The following ZMAT4 variants were observed in gnomAD, a reference collection of about 807,000 sequenced individuals.
The protein encoded by ZMAT4 is zinc finger matrin-type 4.
ZMAT4 carries 17 observed loss-of-function variants against 28.7 expected under a neutral mutation model. That is an observed-to-expected ratio of 0.59 (90% CI 0.41 to 0.89). The LOEUF (loss-of-function observed/expected upper bound fraction) is 0.89. Ranked by LOEUF, ZMAT4 falls within the 40% of genes least tolerant of loss-of-function variation. The probability of loss-of-function intolerance (pLI) is 0.00; values close to 1 mark genes in which losing one functional copy is unlikely to be tolerated. For synonymous variants in ZMAT4, 117 were observed against 109.2 expected (o/e 1.07, Z -0.44); for missense variants, 240 against 283.8 (o/e 0.85, Z 1.11).
chr8:40,656,023 A>C (rs1407801228), intron 5 of ZMAT4, among the ~76,000 whole-genome samples: 1 of 152,162 alleles, frequency 6.6e-6, no homozygotes, highest in Non-Finnish European at 1.5e-5. Context: ...TTGTCCACAG[A>C]ATGAGAGACA....
chr8:40,572,225 C>T (rs1411302509), intron 6 of ZMAT4, among the ~76,000 whole-genome samples: 2 of 152,008 alleles, frequency 1.3e-5, no homozygotes, highest in Non-Finnish European at 2.9e-5. Flanking sequence ...AAAGATACTC[C>T]ATCCCTGAAA....
intron 5 of ZMAT4, among the ~76,000 whole-genome samples, chr8:40,593,448 G>A (rs1585729262): frequency 6.6e-6 from 1 of 152,190 alleles, no homozygotes. Flanking sequence ...TCTCTTCCAG[G>A]CTATTTCTCA....
intron 6 of ZMAT4, among the ~76,000 whole-genome samples, chr8:40,568,011 A>G (rs1803977019): frequency 1.3e-5 from 2 of 152,208 alleles, no homozygotes; most frequent in Admixed American, 1.3e-4. Flanking sequence ...GAAGAAAAAT[A>G]ACCTTCCTAA....
intron 3 of ZMAT4, among the ~76,000 whole-genome samples, chr8:40,754,513 A>C (rs1204202885): frequency 6.6e-6 from 1 of 152,232 alleles, no homozygotes; most frequent in Admixed American, 6.5e-5. Flanking sequence ...AATATGCCAT[A>C]TGTTTCCACC....
chr8:40,556,435 T>C (rs1803539113), intron 6 of ZMAT4, among the ~76,000 whole-genome samples: 1 of 152,180 alleles, frequency 6.6e-6, no homozygotes, highest in Admixed American at 6.5e-5. Flanking sequence ...ATATGAAATC[T>C]GGGATTGTTT....
chr8:40,730,093 T>A (rs1367713434), intron 3 of ZMAT4, among the ~76,000 whole-genome samples: 2 of 152,104 alleles, frequency 1.3e-5, no homozygotes, highest in Non-Finnish European at 2.9e-5. Flanking sequence ...AAACAGATAA[T>A]CCATAATAAT....
chr8:40,881,538 GAAAGAAAGAAAGAAAGAA>G (rs1424815408), intron 1 of ZMAT4, among the ~76,000 whole-genome samples: 34 of 70,300 alleles, frequency 4.8e-4, no homozygotes, highest in African/African-American at 6.8e-4. Context: ...CAGAAAGAAA[GAAAGAAAGAAAGAAAGAA>G]AGAAAGAAAG....
At chr8:40,619,871 G>T (rs1302970053) in intron 5 of ZMAT4, among the ~76,000 whole-genome samples, 1 of 152,154 alleles carries the variant, frequency 6.6e-6, no homozygotes, top group African/African-American at 2.4e-5. Flanking sequence ...GAGCCAAAAT[G>T]CATGCCCTTT....
At chr8:40,543,281 T>A (rs1803100507) in intron 6 of ZMAT4, among the ~76,000 whole-genome samples, 1 of 152,124 alleles carries the variant, frequency 6.6e-6, no homozygotes, top group Non-Finnish European at 1.5e-5. Context: ...AGCCAGCACA[T>A]GCTTGCGGAG....
At chr8:40,651,735 T>C (rs1027383501) in intron 5 of ZMAT4, among the ~76,000 whole-genome samples, 14 of 151,462 alleles carry the variant, frequency 9.2e-5, no homozygotes, top group Admixed American at 7.2e-4. Flanking sequence ...AAAACAGAGA[T>C]ATAGATCAAT....
chr8:40,738,714 C>T (rs1811878299), intron 3 of ZMAT4, among the ~76,000 whole-genome samples: 1 of 152,070 alleles, frequency 6.6e-6, no homozygotes, highest in Admixed American at 6.6e-5. Flanking sequence ...GGAGGATGTG[C>T]TCTGTGAAAA....
At chr8:40,581,405 G>C in intron 5 of ZMAT4, 144 bp from the exon 6 acceptor site, 1 of 578,736 alleles carries the variant, frequency 1.7e-6, no homozygotes, top group Non-Finnish European at 3.1e-6. Flanking sequence ...TCCTTGCAGA[G>C]CACAGCCAAC....
chr8:40,606,955 C>T (rs1241026762), intron 5 of ZMAT4, among the ~76,000 whole-genome samples: 1 of 151,994 alleles, frequency 6.6e-6, no homozygotes, highest in African/African-American at 2.4e-5. Context: ...AAAACTTTGT[C>T]TTCAAGCTCA....
intron 1 of ZMAT4, among the ~76,000 whole-genome samples, chr8:40,875,032 C>A (rs998289165): frequency 6.6e-6 from 1 of 152,196 alleles, no homozygotes; most frequent in Non-Finnish European, 1.5e-5. Flanking sequence ...CCTCCACGGG[C>A]TGTATTTGTT....
intron 2 of ZMAT4, among the ~76,000 whole-genome samples, chr8:40,822,424 A>G (rs1815863665): frequency 6.6e-6 from 1 of 152,232 alleles, no homozygotes; most frequent in Non-Finnish European, 1.5e-5. Flanking sequence ...GTAATAGGGC[A>G]TGGAGACTAA....
intron 2 of ZMAT4, among the ~76,000 whole-genome samples, chr8:40,793,491 T>A (rs1814452610): frequency 6.6e-6 from 1 of 152,222 alleles, no homozygotes; most frequent in Non-Finnish European, 1.5e-5. Flanking sequence ...CCTAATAGCA[T>A]GATTTAACAA....
intron 2 of ZMAT4, among the ~76,000 whole-genome samples, chr8:40,774,960 C>G (rs1263201250): frequency 6.6e-6 from 1 of 152,134 alleles, no homozygotes; most frequent in Non-Finnish European, 1.5e-5. Flanking sequence ...ATTTATCATT[C>G]TAATAGTCCT....
intron 1 of ZMAT4, among the ~76,000 whole-genome samples, chr8:40,883,851 C>G (rs1187577191): frequency 6.6e-6 from 1 of 152,140 alleles, no homozygotes; most frequent in Non-Finnish European, 1.5e-5. Flanking sequence ...CGCAGCAGCT[C>G]CAGGCCTGTA....
intron 1 of ZMAT4, among the ~76,000 whole-genome samples, chr8:40,878,323 G>C (rs76270520): frequency 0.013 from 2,026 of 152,220 alleles, 27 homozygotes; most frequent in Non-Finnish European, 0.02. Flanking sequence ...ACAGATGATG[G>C]TGTTAAGAAT....
Sources: allele counts gnomAD v4.1 joint callset (sites outside exome capture counted in the v4.1 genomes callset), GRCh38; gene constraint gnomAD v4.1.1; transcripts MANE v1.5; gene names NCBI Gene and HGNC (gene_info 2026-07-23, HGNC 2026-07-21).